The following CCDC150 variants were observed in gnomAD, a reference collection of about 807,000 sequenced individuals.
CCDC150 encodes the protein coiled-coil domain containing 150, also known as coiled-coil domain-containing protein 150.
CCDC150 carries 151 observed loss-of-function variants against 156.5 expected under a neutral mutation model. The ratio of observed to expected loss-of-function variants is 0.97; its 90% CI spans 0.85 to 1.10. The LOEUF is 1.10. CCDC150 is among the 50% of genes least tolerant of loss of function. The pLI is 0.00. For missense variants in CCDC150, 1,312 were observed against 1,268.1 expected (o/e 1.03, Z -0.53); for synonymous variants, 452 against 429.4 (o/e 1.05, Z -0.65).
At chr2:196,720,088 A>G (rs747038177) in intron 19 of CCDC150, 1 of 399,446 alleles carries the variant, frequency 2.5e-6, no homozygotes, top group Non-Finnish European at 5.1e-6. Flanking sequence ...TTTTAGGTGA[A>G]TCATTCTGAG....
intron 13 of CCDC150, among the ~76,000 whole-genome samples, chr2:196,693,672 G>A (rs1695626414): frequency 6.6e-6 from 1 of 152,088 alleles, no homozygotes; most frequent in South Asian, 2.1e-4. Flanking sequence ...ATGGCCTCCT[G>A]TATGATGTGG....
intron 13 of CCDC150, among the ~76,000 whole-genome samples, chr2:196,687,690 T>C (rs1473642400): frequency 6.6e-6 from 1 of 152,208 alleles, no homozygotes; most frequent in African/African-American, 2.4e-5. Context: ...ATGTTCTGAA[T>C]AGTATTACCT....
chr2:196,656,910 A>G (rs767062411), intron 3 of CCDC150, 48 bp from the exon 4 acceptor site: 19 of 1,610,808 alleles, frequency 1.2e-5, no homozygotes, highest in Non-Finnish European at 1.6e-5. Flanking sequence ...GATTTTCTTT[A>G]CTGACCTTCT....
At chr2:196,719,705 G>C (rs1697766392) in intron 19 of CCDC150, 39 bp downstream of exon 19, 3 of 1,525,684 alleles carry the variant, frequency 2.0e-6, no homozygotes, top group Non-Finnish European at 2.7e-6. Context: ...GGTATTGCTG[G>C]ATTGTACTAA....
intron 13 of CCDC150, among the ~76,000 whole-genome samples, chr2:196,693,615 C>T (rs1000020127): frequency 6.6e-6 from 1 of 152,096 alleles, no homozygotes; most frequent in Non-Finnish European, 1.5e-5. Context: ...TCTCCTTTTC[C>T]AATCTTAATG....
At chr2:196,694,784 C>T (rs1695714550) in intron 13 of CCDC150, among the ~76,000 whole-genome samples, 1 of 152,158 alleles carries the variant, frequency 6.6e-6, no homozygotes. Context: ...ATTGCTTGAA[C>T]CCGGGAGGCA....
At chr2:196,732,263 T>C (rs2125724779) in intron 27 of CCDC150, 111 bp downstream of exon 27, 1 of 1,317,094 alleles carries the variant, frequency 7.6e-7, no homozygotes, top group East Asian at 2.4e-5. Context: ...ATCTTTAGTT[T>C]CTTTAGACTA....
At chr2:196,721,940 AAAGGTT>A (rs1697943252) in intron 21 of CCDC150, among the ~76,000 whole-genome samples, 1 of 152,126 alleles carries the variant, frequency 6.6e-6, no homozygotes, top group Non-Finnish European at 1.5e-5. Flanking sequence ...TGCTTTACTC[AAAGGTT>A]AAATCAAAAC....
At chr2:196,729,683 C>G in intron 23 of CCDC150, 110 bp from the exon 24 acceptor site, 1 of 770,856 alleles carries the variant, frequency 1.3e-6, no homozygotes. Context: ...TCAGCAGGAA[C>G]TGGTAACTTT....
chr2:196,708,153 AG>A (rs1696813638), intron 15 of CCDC150, among the ~76,000 whole-genome samples: 1 of 152,180 alleles, frequency 6.6e-6, no homozygotes, highest in Admixed American at 6.5e-5. Context: ...GTCTCTTTAA[AG>A]GTCTCTAAGA....
At position 196,732,341 on chromosome 2, in the gene CCDC150, A is replaced by G. The variant is rs1266492770; in HGVS notation, c.3190-105A>G. The stretch of plus-strand genomic sequence containing the variant: ...CCTGTCACAAACTTTTTAGATTAGA[A>G]TCACTTGTCTTCATGAATAGATGAC... On this transcript the variant is annotated intron_variant, in intron 27 of 27. Coordinates refer to ENST00000389175, the MANE Select transcript of CCDC150 (RefSeq NM_001080539.2). The G allele has an allele frequency of 4.5e-6, 5 of 1,117,324 alleles. No homozygotes were observed. The African/African-American group carries it at 6.3e-5, about 14-fold the overall frequency. 69.2% of individuals were successfully genotyped at this position (1,117,324 alleles called of 1,614,324 possible).
Position 196,658,848 on chromosome 2 carries a change from TA to T in CCDC150, c.637del (p.Ile213PhefsTer4), listed in dbSNP as rs760963943. 1.2e-6 allele frequency: 2 copies of T among 1,602,498 alleles called. No homozygotes were observed. The highest frequency in any genetic ancestry group is 1.7e-6 in the Non-Finnish European group (2 of 1,173,640). ...AGACCACAAAACGTAAAATGAACCT[TA>T]AAATTCAAGAGGTAAGACAAAAAGA... ...LKTTKRKMNL[K>X]IQELRRQLAQ... On this transcript the variant is annotated frameshift_variant, in exon 5 of 28. Coordinates refer to ENST00000389175, the MANE Select transcript of CCDC150 (RefSeq NM_001080539.2). LOFTEE classifies it high-confidence loss of function.
chr2:196,652,416 A>G (rs1447399280), intron 2 of CCDC150, among the ~76,000 whole-genome samples: 2 of 152,258 alleles, frequency 1.3e-5, no homozygotes, highest in Non-Finnish European at 2.9e-5. Context: ...GCTAAAAGAA[A>G]GGAGCAATGG....
intron 14 of CCDC150, among the ~76,000 whole-genome samples, chr2:196,697,356 A>C (rs1211385492): frequency 6.6e-6 from 1 of 152,050 alleles, no homozygotes; most frequent in Non-Finnish European, 1.5e-5. Flanking sequence ...GTGCAATTTA[A>C]TTCCATTACC....
At chr2:196,668,636 G>C (rs1694005166) in intron 7 of CCDC150, among the ~76,000 whole-genome samples, 1 of 152,120 alleles carries the variant, frequency 6.6e-6, no homozygotes, top group Non-Finnish European at 1.5e-5. Flanking sequence ...AGTTGTTTGA[G>C]CTACATTAAT....
chr2:196,658,144 G>T (rs1693333402), intron 4 of CCDC150, among the ~76,000 whole-genome samples: 1 of 152,078 alleles, frequency 6.6e-6, no homozygotes, highest in Admixed American at 6.6e-5. Flanking sequence ...AATAGGGAGA[G>T]AAATTGGAGG....
chr2:196,726,273 C>A, intron 22 of CCDC150, 174 bp downstream of exon 22: 2 of 618,174 alleles, frequency 3.2e-6, no homozygotes, highest in South Asian at 2.3e-5. Flanking sequence ...AAGTTTCTGA[C>A]ATAATTCTCT....
At chr2:196,684,354 A>T (rs758861744) in intron 13 of CCDC150, among the ~76,000 whole-genome samples, 11 of 152,008 alleles carry the variant, frequency 7.2e-5, no homozygotes, top group Non-Finnish European at 1.5e-4. Context: ...CACATATGTG[A>T]ATTCCCCAAA....
At chr2:196,723,230 C>A (rs114611321) in intron 21 of CCDC150, among the ~76,000 whole-genome samples, 1 of 152,114 alleles carries the variant, frequency 6.6e-6, no homozygotes, top group African/African-American at 2.4e-5. Context: ...ACGCCGGGTG[C>A]GGTGGCTCAC....
Sources: gnomAD v4.1 joint callset for allele counts (sites outside exome capture counted in the v4.1 genomes callset) on GRCh38, gnomAD v4.1.1 for gene constraint, MANE v1.5 for transcripts, NCBI Gene and HGNC (gene_info 2026-07-23, HGNC 2026-07-21) for gene names.